ZNF182: variants seen among roughly 807,000 people sequenced by gnomAD.
The protein encoded by ZNF182 is zinc finger protein 21 (KOX 14).
A neutral mutation model predicts 28.1 loss-of-function variants in ZNF182; 10 were observed. That is an observed-to-expected ratio of 0.36 (90% CI 0.22 to 0.60). ZNF182 has a LOEUF of 0.60. Ranked by LOEUF, ZNF182 falls within the 20% of genes least tolerant of loss-of-function variation. The probability of loss-of-function intolerance (pLI) is 0.75; values close to 1 mark genes in which losing one functional copy is unlikely to be tolerated. For missense variants in ZNF182, 352 were observed against 453.2 expected (o/e 0.78, Z 2.03); for synonymous variants, 156 against 158.7 (o/e 0.98, Z 0.13).
intron 3 of ZNF182, among the ~76,000 whole-genome samples, chrX:47,997,563 C>T (rs1455844018): frequency 5.4e-5 from 6 of 110,489 alleles, no homozygotes; most frequent in Admixed American, 9.6e-5. Context: ...GAGGCCGAGG[C>T]GGGCAGATCA....
intron 3 of ZNF182, chrX:47,988,728 T>C (rs2058931343): frequency 6.7e-6 from 2 of 299,932 alleles, no homozygotes; most frequent in Non-Finnish European, 1.2e-5. Flanking sequence ...AAAGGGACTC[T>C]CACTGGCCAA....
chrX:47,977,513 A>G lies in ZNF182; in HGVS notation c.517T>C (p.Phe173Leu). The G allele has an allele frequency of 8.3e-7, 1 of 1,211,025 alleles. No homozygotes were observed. The highest frequency in any genetic ancestry group is 1.1e-6 in the Non-Finnish European group (1 of 895,272). ...TTTGTTTTCTCATACTCAGTATGGA[A>G]GAACAATTTTGCACATCCATTATCA... is the stretch of plus-strand genomic sequence containing the variant. ...KYDNGCAKLF[F>L]HTEYEKTNPG... is the part of the protein sequence containing the mutation. The change falls in exon 6 of 6, where the codon TTC becomes CTC. Residue 173 changes from phenylalanine to leucine, a missense_variant. Transcript: ENST00000376943.
At chrX:48,003,252 A>C (rs2058985029) in intron 2 of ZNF182, among the ~76,000 whole-genome samples, 2 of 112,786 alleles carry the variant, frequency 1.8e-5, no homozygotes, top group Middle Eastern at 4.2e-3. Context: ...AAAATGTCTA[A>C]AAACGGACAT....
At chrX:47,992,787 C>T (rs1325818443) in intron 3 of ZNF182, among the ~76,000 whole-genome samples, 1 of 111,735 alleles carries the variant, frequency 8.9e-6, no homozygotes, top group East Asian at 2.8e-4. Flanking sequence ...CCAAACCTAA[C>T]TTCTCTCCCA....
chrX:47,977,736 C>G lies in ZNF182; in HGVS notation c.294G>C (p.Leu98=). Residue 98 remains leucine, a synonymous_variant, in exon 6 of 6, where the codon CTG becomes CTC. Transcript: ENST00000376943. The part of the protein sequence containing the change: ...RQHQDDQDKC[L]LMQVGFSDKK... ...TGTCAGAAAATCCAACTTGCATCAGCAGACATTTATCTTGGTCATCCTGAT... is the reference window on the plus strand; with the variant it reads ...TGTCAGAAAATCCAACTTGCATCAGGAGACATTTATCTTGGTCATCCTGAT... 1 of 1,204,563 alleles carries G rather than the reference C, an allele frequency of 8.3e-7. No individual in the cohort carries two copies. Among genetic ancestry groups the G allele is most frequent in the South Asian group, 1.8e-5 (1 of 55,220 alleles).
At chrX:48,001,171 C>T (rs143769119) in intron 3 of ZNF182, among the ~76,000 whole-genome samples, 307 of 112,322 alleles carry the variant, frequency 2.7e-3, no homozygotes, top group African/African-American at 9.3e-3. Context: ...TACCATATGA[C>T]CTAGTAATCC....
rs189321728 is a variant in ZNF182 at position 47,997,622 on chromosome X, G to A, written c.15+4973C>T. On this transcript the variant is annotated intron_variant, in intron 3 of 5. Transcript: ENST00000376943. ...AGCCTGGCCAACATGGCAAAACCCC[G>A]TCTCTACTAAAATACAAAAATTAGC... Among the ~76,000 whole-genome samples the A allele has an allele frequency of 3.6e-3, 399 of 110,608 alleles. 2 individuals are homozygous for A. The highest frequency in any genetic ancestry group is 6.0e-3 in the Non-Finnish European group (319 of 52,823).
rs782534868 is a variant in ZNF182, at chrX:47,977,816, A to C, written c.233-19T>G. ...CAGACTTCTAGAAAGAAGTACAATA[A>C]ACCACCTTTATGCTTTGACATTATG... On this transcript the variant is annotated intron_variant, in intron 5 of 5. Transcript: ENST00000376943. 26 of 1,136,160 alleles carry C rather than the reference A, an allele frequency of 2.3e-5. No individual in the cohort carries two copies. Among genetic ancestry groups the C allele is most frequent in the Non-Finnish European group, 2.9e-5 (25 of 854,026 alleles). 93.6% of individuals were successfully genotyped at this position (1,136,160 alleles called of 1,213,427 possible).
intron 5 of ZNF182, 144 bp from the exon 6 acceptor site, chrX:47,977,941 C>A: frequency 1.9e-6 from 1 of 518,643 alleles, no homozygotes; most frequent in Non-Finnish European, 3.0e-6. Context: ...TAAACTCTCA[C>A]CTGCTGGTCT....
rs189834157 is a variant in ZNF182, at chrX:47,987,783, G to A, written c.16-4372C>T. On this transcript the variant is annotated intron_variant, in intron 3 of 5. Coordinates refer to ENST00000376943, the MANE Select transcript of ZNF182 (RefSeq NM_001007088.2). ...AGTAACAATGCCCCAGCAGCAATGAGCACAGCTAGCACCCAGATTTTGGTT... is the reference window on the plus strand; with the variant it reads ...AGTAACAATGCCCCAGCAGCAATGAACACAGCTAGCACCCAGATTTTGGTT... 5.4e-5 allele frequency among the ~76,000 whole-genome samples: 6 copies of A among 112,132 alleles called. No homozygotes were observed. The East Asian group carries it at 1.7e-3, about 31-fold the overall frequency.
intron 5 of ZNF182, among the ~76,000 whole-genome samples, chrX:47,981,665 C>A (rs2058906147): frequency 8.9e-6 from 1 of 111,773 alleles, no homozygotes; most frequent in South Asian, 3.7e-4. Flanking sequence ...CTTTGGGAGG[C>A]CAAGGCAGGT....
chrX:47,998,428 A>G (rs2058966718), intron 3 of ZNF182, among the ~76,000 whole-genome samples: 1 of 112,472 alleles, frequency 8.9e-6, no homozygotes, highest in South Asian at 3.6e-4. Context: ...ATCCCTAGGT[A>G]CTTGAAAATT....
At chrX:47,996,313 TTAAA>T (rs2058958368) in intron 3 of ZNF182, among the ~76,000 whole-genome samples, 1 of 110,461 alleles carries the variant, frequency 9.1e-6, no homozygotes, top group African/African-American at 3.3e-5. Flanking sequence ...TTGTGTAAAC[TTAAA>T]TATATATGGT....
intron 5 of ZNF182, among the ~76,000 whole-genome samples, chrX:47,981,670 GC>G (rs1396201293): frequency 2.7e-5 from 3 of 111,863 alleles, no homozygotes; most frequent in African/African-American, 9.7e-5. Flanking sequence ...GGAGGCCAAG[GC>G]AGGTGGATCA....
rs1409198431 is a variant in ZNF182 at position 47,983,007 on chromosome X, G to C, written c.174C>G (p.Leu58=). The change falls in exon 5 of 6, where the codon CTC becomes CTG. Residue 58 remains leucine, a synonymous_variant. Coordinates refer to ENST00000376943, the MANE Select transcript of ZNF182 (RefSeq NM_001007088.2). ...GQQVTKPNLI[L]KLEVEECPAE... ...CCGGGCATTCTTCTACCTCCAACTT[G>C]AGGATGAGGTTTGGTTTGGTAACCT... The C allele has an allele frequency of 4.1e-6, 5 of 1,211,466 alleles. No individual in the cohort carries two copies. The highest frequency in any genetic ancestry group is 2.3e-4 in the Middle Eastern group (1 of 4,352).
chrX:47,975,445 T>G lies in ZNF182; in HGVS notation c.*722A>C, dbSNP rs1470632465. The G allele has an allele frequency of 1.8e-5, 2 of 112,234 alleles. No homozygotes were observed. The highest frequency in any genetic ancestry group is 6.5e-5 in the African/African-American group (2 of 30,806). The allele number at this position is 112,234 out of a possible 1,213,427, so 9.2% of individuals were successfully genotyped here. ...AATTCCTCTTTGAATGAGAAGAGTT[T>G]TTCCTGGACTTGCTATTTGCTGGAG... is the stretch of plus-strand genomic sequence containing the variant. On this transcript the variant is annotated 3_prime_UTR_variant, in exon 6 of 6. Transcript: ENST00000376943.
intron 3 of ZNF182, among the ~76,000 whole-genome samples, chrX:47,992,904 G>A (rs1212982036): frequency 1.1e-4 from 12 of 112,280 alleles, no homozygotes; most frequent in Non-Finnish European, 2.1e-4. Flanking sequence ...CCTGGGAGAG[G>A]GACACCTGGT....
intron 3 of ZNF182, among the ~76,000 whole-genome samples, chrX:47,993,838 CAAGAAA>C (rs1438592704): frequency 9.3e-6 from 1 of 107,921 alleles, no homozygotes; most frequent in African/African-American, 3.4e-5. Context: ...ATCTGAAAAA[CAAGAAA>C]AAGAAAACTG....
chrX:47,999,785 C>T (rs1323733268), intron 3 of ZNF182, among the ~76,000 whole-genome samples: 1 of 112,532 alleles, frequency 8.9e-6, no homozygotes, highest in African/African-American at 3.2e-5. Context: ...ACATTGTAGA[C>T]ATTTACCAAA....
Sources: allele counts gnomAD v4.1 joint callset (sites outside exome capture counted in the v4.1 genomes callset), GRCh38; gene constraint gnomAD v4.1.1; transcripts MANE v1.5; gene names NCBI Gene and HGNC (gene_info 2026-07-23, HGNC 2026-07-21).